The following PACSIN3 variants were observed in gnomAD, a reference collection of about 807,000 sequenced individuals.
The protein encoded by PACSIN3 is protein kinase C and casein kinase substrate in neurons 3.
A neutral mutation model predicts 56.1 loss-of-function variants in PACSIN3; 34 were observed. That is an observed-to-expected ratio of 0.61 (90% CI 0.46 to 0.81). PACSIN3 has a LOEUF of 0.81. Among genes scored for constraint, PACSIN3 ranks in the 30% least tolerant of loss-of-function variants. PACSIN3 has a pLI of 0.00. For synonymous variants in PACSIN3, 218 were observed against 229.8 expected (o/e 0.95, Z 0.46); for missense variants, 535 against 592.4 (o/e 0.90, Z 1.01).
At position 47,180,213 on chromosome 11, in the gene PACSIN3, C is replaced by T. The variant is rs776482555; in HGVS notation, c.576G>A (p.Val192=). The T allele has an allele frequency of 3.7e-6, 6 of 1,603,468 alleles. No individual in the cohort carries two copies. Among genetic ancestry groups the T allele is most frequent in the Non-Finnish European group, 5.1e-6 (6 of 1,179,960 alleles). ...TCTCGGCCTCCTTGGCACAGCGTTCCACCCGTTCCTGCAGTTTGCGCAGCT... is the reference window on the plus strand; with the variant it reads ...TCTCGGCCTCCTTGGCACAGCGTTCTACCCGTTCCTGCAGTTTGCGCAGCT... ...QEQLRKLQER[V]ERCAKEAEKT... Residue 192 remains valine (V), a synonymous_variant, in exon 6 of 11, where the codon GTG becomes GTA. Transcript: ENST00000298838.
intron 4 of PACSIN3, 97 bp from the exon 5 acceptor site, chr11:47,180,787 C>A (rs12362439): frequency 2.2e-6 from 2 of 923,138 alleles, no homozygotes; most frequent in African/African-American, 3.3e-5. Flanking sequence ...ATGGGGTACG[C>A]GCATGGGGTG....
Position 47,178,050 on chromosome 11 carries a change from G to C in PACSIN3, c.1160-4C>G. On this transcript the variant is annotated splice_region_variant and splice_polypyrimidine_tract_variant and intron_variant, in intron 10 of 10. Coordinates refer to ENST00000298838, the MANE Select transcript of PACSIN3 (RefSeq NM_016223.5). This position sits in a 1 kb window ranked among gnomAD's most constrained non-coding sequence, Gnocchi z 4.2. Reference sequence around the variant, plus strand: ...CTCATCTTCAGCAGCTCCTCCCCTGGGGGAAAGGGGATTGGTCACTGCCAG... The same window carrying C: ...CTCATCTTCAGCAGCTCCTCCCCTGCGGGAAAGGGGATTGGTCACTGCCAG... The C allele has an allele frequency of 6.2e-7, 1 of 1,611,296 alleles. No individual in the cohort carries two copies. Among genetic ancestry groups the C allele is most frequent in the Non-Finnish European group, 8.5e-7 (1 of 1,177,962 alleles).
rs142871997 is a variant in PACSIN3, at chr11:47,178,388, A to G, written c.1137T>C (p.Ala379=). ...TACCTGCTCGGAAGCTCAGCTCATCAGCTTCCTGGCCAGCGTAGTCATAGA... is the reference window on the plus strand; with the variant it reads ...TACCTGCTCGGAAGCTCAGCTCATCGGCTTCCTGGCCAGCGTAGTCATAGA... ...RALYDYAGQE[A]DELSFRAGEE... Residue 379 remains alanine (A), a synonymous_variant, in exon 10 of 11, where the codon GCT becomes GCC. Transcript: ENST00000298838. The surrounding 1 kb of genome is among the most constrained non-coding windows in gnomAD (Gnocchi z 4.2). 4.3e-5 allele frequency: 70 copies of G among 1,613,950 alleles called. No individual in the cohort carries two copies. The highest frequency in any genetic ancestry group is 5.8e-5 in the Non-Finnish European group (68 of 1,180,008).
chr11:47,180,799 A>G (rs1953008977), intron 4 of PACSIN3, 109 bp from the exon 5 acceptor site: 3 of 793,076 alleles, frequency 3.8e-6, no homozygotes, highest in South Asian at 1.8e-5. Flanking sequence ...CATGGGGTGC[A>G]AAGGTGAATG....
chr11:47,185,225 G>C (rs1358937264), intron 1 of PACSIN3: 1 of 152,278 alleles, frequency 6.6e-6, no homozygotes, highest in African/African-American at 2.4e-5. Flanking sequence ...CACGGGCCAA[G>C]GTAGGAAGTC....
intron 1 of PACSIN3, among the ~76,000 whole-genome samples, chr11:47,184,903 G>A (rs1239050317): frequency 1.3e-5 from 2 of 152,084 alleles, no homozygotes; most frequent in Admixed American, 1.3e-4. Flanking sequence ...CCCCAGAACA[G>A]AGCAAGCTGT....
chr11:47,182,932 G>A, intron 2 of PACSIN3, 72 bp downstream of exon 2: 3 of 506,260 alleles, frequency 5.9e-6, no homozygotes, highest in Non-Finnish European at 1.0e-5. Context: ...GAAGGGCCAG[G>A]ATGGGTGAGG....
chr11:47,186,028 AG>A lies in PACSIN3; in HGVS notation c.-104+320del, dbSNP rs921989454. The A allele has an allele frequency of 7.2e-5, 11 of 152,110 alleles. No individual in the cohort carries two copies. The highest frequency in any genetic ancestry group is 2.9e-5 in the Non-Finnish European group (2 of 68,008). The allele number at this position is 152,110 out of a possible 1,614,324, so 9.4% of individuals were successfully genotyped here. A position where few individuals can be genotyped will look rare whatever the true frequency, so the allele number is the denominator to read the frequency against. On this transcript the variant is annotated intron_variant, in intron 1 of 10. Coordinates refer to ENST00000298838, the MANE Select transcript of PACSIN3 (RefSeq NM_016223.5). This position sits in a 1 kb window ranked among gnomAD's most constrained non-coding sequence, Gnocchi z 4.5. ...TAGGGCGAGGGATCGCCAGGGAGCG[AG>A]GACCCTCTGGGGCCTCGGGGCGGGC...
chr11:47,179,267 G>C lies in PACSIN3; in HGVS notation c.792C>G (p.Leu264=), dbSNP rs141460458. ...CAATGCCCTGGTGCAAGTCACGGTG[G>C]AGTTCATGGAACCTATGACCCAAGG... The part of the protein sequence containing the change: ...DLSSSEKFHE[L]HRDLHQGIEA... The change falls in exon 8 of 11, where the codon CTC becomes CTG. Residue 264 remains leucine (L), a synonymous_variant. Coordinates refer to ENST00000298838, the MANE Select transcript of PACSIN3 (RefSeq NM_016223.5). This position sits in a 1 kb window ranked among gnomAD's most constrained non-coding sequence, Gnocchi z 4.4. 7.7e-4 allele frequency: 1,244 copies of C among 1,614,040 alleles called. 2 individuals are homozygous for C. The highest frequency in any genetic ancestry group is 9.6e-4 in the Non-Finnish European group (1,127 of 1,180,024).
chr11:47,181,551 C>T (rs911567269), intron 4 of PACSIN3, among the ~76,000 whole-genome samples: 8 of 152,128 alleles, frequency 5.3e-5, no homozygotes, highest in South Asian at 2.1e-4. Context: ...AGGCCGGGCA[C>T]GGTGGCTCAC....
chr11:47,180,315 G>A lies in PACSIN3; in HGVS notation c.474C>T (p.His158=), dbSNP rs372420691. 47 of 1,602,242 alleles carry A rather than the reference G, an allele frequency of 2.9e-5. No individual in the cohort carries two copies. The highest frequency in any genetic ancestry group is 2.4e-4 in the African/African-American group (18 of 74,906). ...KEVEASKKSY[H]AARKDEKTAQ... ...CGGTCTTCTCATCCTTCCGGGCTGC[G>A]TGGTAGCTTTTCTTGGAAGCCTCAA... is the stretch of plus-strand genomic sequence containing the variant. Residue 158 remains histidine (H), a synonymous_variant, in exon 6 of 11, where the codon CAC becomes CAT. Transcript: ENST00000298838.
chr11:47,184,603 C>G (rs1367138054), intron 1 of PACSIN3: 10 of 152,226 alleles, frequency 6.6e-5, no homozygotes, highest in Non-Finnish European at 1.5e-4. Flanking sequence ...TCCAAGTGGG[C>G]TTCCCCCTCT....
Position 47,180,263 on chromosome 11 carries a change from C to T in PACSIN3, c.526G>A (p.Ala176Thr). The change falls in exon 6 of 11, where the codon GCA (alanine) becomes ACA (threonine). Residue 176 changes from alanine to threonine, a missense_variant. Physicochemically the swap from Ala to Thr is moderately conservative, Grantham distance 58. Coordinates refer to ENST00000298838, the MANE Select transcript of PACSIN3 (RefSeq NM_016223.5). ...TGCTCCTGGGAGACGGCGCTGTCTG[C>T]CTTTGCGTGGCTCTCCCTCGTCTGG... ...TAQTRESHAKADSAVSQEQLR... is the reference protein window; with the variant it reads ...TAQTRESHAKTDSAVSQEQLR... 6.2e-7 allele frequency: 1 copy of T among 1,603,720 alleles called. No individual in the cohort carries two copies.
At position 47,179,384 on chromosome 11, in the gene PACSIN3, T is replaced by C. The variant is rs1952969333; in HGVS notation, c.779+27A>G. 6.2e-7 allele frequency: 1 copy of C among 1,613,576 alleles called. No homozygotes were observed. Among genetic ancestry groups the C allele is most frequent in the East Asian group, 2.2e-5 (1 of 44,880 alleles). On this transcript the variant is annotated intron_variant, in intron 7 of 10. Coordinates refer to ENST00000298838, the MANE Select transcript of PACSIN3 (RefSeq NM_016223.5). This position sits in a 1 kb window ranked among gnomAD's most constrained non-coding sequence, Gnocchi z 4.4. ...GGAGGAGACCCAGTACTACCCCAGA[T>C]CTCCATGCCCACCAGGCAGTTCATA... is the stretch of plus-strand genomic sequence containing the variant.
chr11:47,182,556 C>T lies in PACSIN3; in HGVS notation c.58G>A (p.Gly20Ser). The T allele has an allele frequency of 6.2e-7, 1 of 1,609,902 alleles. No individual in the cohort carries two copies. The highest frequency in any genetic ancestry group is 8.5e-7 in the Non-Finnish European group (1 of 1,176,926). ...EALGGSFWEA[G>S]NYRRTVQRVE... ...CGCTGTACCGTGCGCCTGTAGTTGCCAGCCTGGGCATACAGGAAAAGGGTG... is the reference window on the plus strand; with the variant it reads ...CGCTGTACCGTGCGCCTGTAGTTGCTAGCCTGGGCATACAGGAAAAGGGTG... The change falls in exon 4 of 11, where the codon GGC becomes AGC. Residue 20 changes from glycine (G) to serine (S), a missense_variant. Physicochemically the swap from Gly to Ser is moderately conservative, Grantham distance 56 (BLOSUM62 0). Transcript: ENST00000298838.
At chr11:47,180,083 G>T in intron 6 of PACSIN3, 103 bp downstream of exon 6, 1 of 1,043,662 alleles carries the variant, frequency 9.6e-7, no homozygotes, top group South Asian at 1.4e-5. Flanking sequence ...TGAGGAATAG[G>T]GTAATAAGGG....
chr11:47,182,044 T>C (rs1483111722), intron 4 of PACSIN3, among the ~76,000 whole-genome samples: 2 of 149,218 alleles, frequency 1.3e-5, no homozygotes, highest in African/African-American at 5.0e-5. Flanking sequence ...CCCAGCTACT[T>C]GGGAGGCTGA....
In PACSIN3 at chr11:47,178,177, G is replaced by A; in HGVS notation, c.1160-131C>T. 6.9e-6 allele frequency: 8 copies of A among 1,155,132 alleles called. No homozygotes were observed. The highest frequency in any genetic ancestry group is 1.5e-5 in the African/African-American group (1 of 65,514). 71.6% of individuals were successfully genotyped at this position (1,155,132 alleles called of 1,614,324 possible). A position where few individuals can be genotyped will look rare whatever the true frequency, so the allele number is the denominator to read the frequency against. ...CAAAGACATGGCTCAGGCAGAGGCA[G>A]GTCAAGGTCAGCAAGCTGCCCCACC... On this transcript the variant is annotated intron_variant, in intron 10 of 10. Transcript: ENST00000298838. This position sits in a 1 kb window ranked among gnomAD's most constrained non-coding sequence, Gnocchi z 4.2.
chr11:47,182,671 C>T lies in PACSIN3; in HGVS notation c.54+3G>A, dbSNP rs370056659. On this transcript the variant is annotated splice_donor_region_variant and intron_variant, in intron 3 of 10. Coordinates refer to ENST00000298838, the MANE Select transcript of PACSIN3 (RefSeq NM_016223.5). ...TAGCTGAGCCCAGGACCCAGCTGCTCACCTCCCAGAAACTGCCCCCTAAGG... is the reference window on the plus strand; with the variant it reads ...TAGCTGAGCCCAGGACCCAGCTGCTTACCTCCCAGAAACTGCCCCCTAAGG... 1 of 1,611,226 alleles carries T rather than the reference C, an allele frequency of 6.2e-7. No homozygotes were observed. Among genetic ancestry groups the T allele is most frequent in the African/African-American group, 1.3e-5 (1 of 74,864 alleles).
Sources: allele counts gnomAD v4.1 joint callset (sites outside exome capture counted in the v4.1 genomes callset), GRCh38; gene constraint gnomAD v4.1.1; non-coding constraint Gnocchi (gnomAD v3.1); transcripts MANE v1.5; gene names NCBI Gene and HGNC (gene_info 2026-07-23, HGNC 2026-07-21).